Variants in AKT3 observed in about 807,000 individuals in gnomAD.
AKT3 encodes the protein AKT serine/threonine kinase 3, also known as RAC-gamma serine/threonine-protein kinase.
A neutral mutation model predicts 65.3 loss-of-function variants in AKT3; 15 were observed. That is an observed-to-expected ratio of 0.23 (90% CI 0.15 to 0.35). The LOEUF (loss-of-function observed/expected upper bound fraction) is 0.35, where lower values mean the gene tolerates loss of function less well. Among genes scored for constraint, AKT3 ranks in the 10% least tolerant of loss-of-function variants. AKT3 has a pLI of 1.00. For missense variants in AKT3, 243 were observed against 576.5 expected (o/e 0.42, Z 5.92); for synonymous variants, 206 against 183.8 (o/e 1.12, Z -0.98).
chr1:243,500,424 G>A lies in AKT3; in HGVS notation c.*4825C>T, dbSNP rs941164306. On this transcript the variant is annotated 3_prime_UTR_variant, in exon 14 of 14. Coordinates refer to ENST00000673466, the MANE Select transcript of AKT3 (RefSeq NM_005465.7). The stretch of plus-strand genomic sequence containing the variant: ...GGTGTCAGATTTTTTTCTTCAATAC[G>A]CAGTATTTGAGAGGAGCCTAAAAAC... 4.0e-5 allele frequency: 9 copies of A among 224,504 alleles called. No individual in the cohort carries two copies. The highest frequency in any genetic ancestry group is 7.1e-5 in the Non-Finnish European group (8 of 113,008). 13.9% of individuals were successfully genotyped at this position (224,504 alleles called of 1,614,324 possible).
chr1:243,553,240 A>G (rs1673188969), intron 10 of AKT3, among the ~76,000 whole-genome samples: 1 of 152,104 alleles, frequency 6.6e-6, no homozygotes, highest in Non-Finnish European at 1.5e-5. Flanking sequence ...AACGTTAGCT[A>G]GCATATTTAC....
At chr1:243,785,456 C>T (rs960093256) in intron 2 of AKT3, among the ~76,000 whole-genome samples, 39 of 141,634 alleles carry the variant, frequency 2.8e-4, no homozygotes, top group African/African-American at 8.4e-4. Context: ...AGAGAATCAA[C>T]GTTTTTTTTT....
chr1:243,728,021 T>C (rs1687320247), intron 2 of AKT3, among the ~76,000 whole-genome samples: 1 of 152,142 alleles, frequency 6.6e-6, no homozygotes, highest in African/African-American at 2.4e-5. Context: ...ATTAATAGTT[T>C]AACAGAAACC....
At chr1:243,520,775 C>T (rs1260932718) in intron 12 of AKT3, among the ~76,000 whole-genome samples, 2 of 152,214 alleles carry the variant, frequency 1.3e-5, no homozygotes, top group Non-Finnish European at 2.9e-5. Context: ...TTTCATCTCA[C>T]TGAAAATATG....
At chr1:243,675,597 A>G (rs1683455816) in intron 3 of AKT3, among the ~76,000 whole-genome samples, 1 of 152,244 alleles carries the variant, frequency 6.6e-6, no homozygotes, top group African/African-American at 2.4e-5. Flanking sequence ...ATCACTCAAA[A>G]TAATCTACAA....
chr1:243,499,960 C>A lies in AKT3; in HGVS notation c.*5289G>T, dbSNP rs901905596. 5.5e-5 allele frequency: 37 copies of A among 668,036 alleles called. No homozygotes were observed. The highest frequency in any genetic ancestry group is 8.7e-5 in the Non-Finnish European group (32 of 368,176). The allele number at this position is 668,036 out of a possible 1,614,324, so 41.4% of individuals were successfully genotyped here. A position where few individuals can be genotyped will look rare whatever the true frequency, so the allele number is the denominator to read the frequency against. On this transcript the variant is annotated 3_prime_UTR_variant, in exon 14 of 14. Coordinates refer to ENST00000673466, the MANE Select transcript of AKT3 (RefSeq NM_005465.7). Reference sequence around the variant, plus strand: ...GTCCCCGCACGCAGTCGGGCTGGAGCTGGAGTCTGACTCTAGCTGAGCAGA... The same window carrying A: ...GTCCCCGCACGCAGTCGGGCTGGAGATGGAGTCTGACTCTAGCTGAGCAGA...
In AKT3 at chr1:243,619,722, C is replaced by T. The variant is rs188790910; in HGVS notation, c.562-4561G>A. 2.0e-5 allele frequency among the ~76,000 whole-genome samples: 2 copies of T among 99,102 alleles called. 1 individual carries two copies. Among genetic ancestry groups the T allele is most frequent in the East Asian group, 5.4e-4 (2 of 3,720 alleles). The allele number at this position is 99,102 out of a possible 152,430, so 65.0% of individuals were successfully genotyped here. ...GTAATATTCCACTCTGTACATATAT[C>T]GCATTTATCCTTTCATTCATTGATG... is the stretch of plus-strand genomic sequence containing the variant. On this transcript the variant is annotated intron_variant, in intron 6 of 13. Coordinates refer to ENST00000673466, the MANE Select transcript of AKT3 (RefSeq NM_005465.7).
intron 10 of AKT3, among the ~76,000 whole-genome samples, chr1:243,563,059 T>G (rs1391572243): frequency 6.6e-6 from 1 of 152,192 alleles, no homozygotes; most frequent in African/African-American, 2.4e-5. Context: ...TGTTATTTAT[T>G]TATTTTTATT....
intron 11 of AKT3, among the ~76,000 whole-genome samples, chr1:243,550,478 A>T (rs1450131491): frequency 6.6e-6 from 1 of 152,130 alleles, no homozygotes; most frequent in Non-Finnish European, 1.5e-5. Context: ...AAATAAAAAA[A>T]AATGAATGAG....
chr1:243,611,421 G>A (rs999880478), intron 8 of AKT3, among the ~76,000 whole-genome samples: 7 of 152,096 alleles, frequency 4.6e-5, no homozygotes, highest in African/African-American at 9.7e-5. Context: ...GATGGCTCAC[G>A]TCTGTAATCC....
At chr1:243,642,471 G>T (rs1206348614) in intron 5 of AKT3, among the ~76,000 whole-genome samples, 1 of 151,896 alleles carries the variant, frequency 6.6e-6, no homozygotes. Flanking sequence ...CACCACGCCT[G>T]GTTAATTTTT....
At chr1:243,664,941 T>C in intron 3 of AKT3, 58 bp from the exon 4 acceptor site, 1 of 1,041,834 alleles carries the variant, frequency 9.6e-7, no homozygotes, top group Non-Finnish European at 1.4e-6. Context: ...AAGAAGTAAA[T>C]AATTGAGAAC....
At chr1:243,745,633 G>A (rs949608067) in intron 2 of AKT3, among the ~76,000 whole-genome samples, 4 of 152,126 alleles carry the variant, frequency 2.6e-5, no homozygotes, top group African/African-American at 9.7e-5. Context: ...ATGCAGCCCA[G>A]AACAGCTTTG....
chr1:243,704,415 A>T (rs1426394780), intron 2 of AKT3, among the ~76,000 whole-genome samples: 3 of 152,124 alleles, frequency 2.0e-5, no homozygotes, highest in African/African-American at 7.2e-5. Context: ...TGAGAGGTGG[A>T]GAAGAAAAGG....
chr1:243,611,980 G>A (rs1023169621), intron 8 of AKT3, among the ~76,000 whole-genome samples: 11 of 152,062 alleles, frequency 7.2e-5, no homozygotes, highest in Non-Finnish European at 5.9e-5. Flanking sequence ...ATTCTAATTT[G>A]TAATACACTA....
chr1:243,593,942 C>T (rs2148557826), intron 8 of AKT3, among the ~76,000 whole-genome samples: 1 of 152,248 alleles, frequency 6.6e-6, no homozygotes, highest in South Asian at 2.1e-4. Flanking sequence ...GTGAAAGATG[C>T]ATAGACAGAT....
At chr1:243,843,013 A>G in intron 2 of AKT3, 112 bp downstream of exon 2, 1 of 1,091,174 alleles carries the variant, frequency 9.2e-7, no homozygotes, top group Non-Finnish European at 1.3e-6. Context: ...CTCTCTTACT[A>G]GACATAGCAT....
intron 4 of AKT3, among the ~76,000 whole-genome samples, chr1:243,646,989 C>T (rs1680871066): frequency 6.6e-6 from 1 of 152,084 alleles, no homozygotes; most frequent in Admixed American, 6.5e-5. Flanking sequence ...TTCTTAAAGT[C>T]TATTTGGATT....
At chr1:243,678,084 G>T (rs1418631680) in intron 3 of AKT3, among the ~76,000 whole-genome samples, 1 of 151,968 alleles carries the variant, frequency 6.6e-6, no homozygotes, top group Non-Finnish European at 1.5e-5. Context: ...CAAGACTCTT[G>T]TCTCAAACAA....
Sources: gnomAD v4.1 joint callset for allele counts (sites outside exome capture counted in the v4.1 genomes callset) on GRCh38, gnomAD v4.1.1 for gene constraint, MANE v1.5 for transcripts, NCBI Gene and HGNC (gene_info 2026-07-23, HGNC 2026-07-21) for gene names.